The following GLG1 variants were observed in gnomAD, a reference collection of about 807,000 sequenced individuals.
GLG1 encodes Golgi apparatus protein 1.
In GLG1, 38 loss-of-function variants were observed where a neutral mutation model predicts 160.5. That is an observed-to-expected ratio of 0.24 (90% CI 0.18 to 0.31). The LOEUF (loss-of-function observed/expected upper bound fraction) is 0.31. GLG1 is among the 10% of genes least tolerant of loss of function. The pLI, the probability that GLG1 is intolerant of heterozygous loss-of-function variation, is 1.00. For synonymous variants in GLG1, 644 were observed against 543.4 expected, an observed-to-expected ratio of 1.19 and a Z score of -2.57; for missense variants, 1,373 against 1,505.2, an observed-to-expected ratio of 0.91 and a Z score of 1.45.
chr16:74,522,361 GCTAA>G (rs2017192724), intron 2 of GLG1, among the ~76,000 whole-genome samples: 1 of 152,210 alleles, frequency 6.6e-6, no homozygotes. Context: ...CACTAGCTGT[GCTAA>G]CTATCACCGT....
At chr16:74,517,662 C>G (rs1454071192) in intron 2 of GLG1, among the ~76,000 whole-genome samples, 2 of 152,174 alleles carry the variant, frequency 1.3e-5, no homozygotes, top group Non-Finnish European at 2.9e-5. Context: ...CCCTCTCTCA[C>G]CACTCCTATT....
At chr16:74,455,433 A>C (rs1012644670) in intron 25 of GLG1, among the ~76,000 whole-genome samples, 5 of 152,190 alleles carry the variant, frequency 3.3e-5, no homozygotes, top group African/African-American at 9.7e-5. Flanking sequence ...AGCTCAAAGG[A>C]CTGGACACAA....
chr16:74,463,607 C>A, intron 19 of GLG1, 128 bp from the exon 20 acceptor site: 1 of 849,110 alleles, frequency 1.2e-6, no homozygotes, highest in South Asian at 1.6e-5. Context: ...TGGCGCAATT[C>A]GGCTTACTGC....
intron 4 of GLG1, among the ~76,000 whole-genome samples, chr16:74,500,095 G>A (rs947532274): frequency 1.3e-5 from 2 of 152,058 alleles, no homozygotes; most frequent in African/African-American, 4.8e-5. Context: ...TCAAATAAGG[G>A]TATTTCAGGA....
At chr16:74,575,564 C>T (rs997021473) in intron 1 of GLG1, among the ~76,000 whole-genome samples, 5 of 152,034 alleles carry the variant, frequency 3.3e-5, no homozygotes, top group African/African-American at 1.2e-4. Context: ...AACTGTAACA[C>T]CAAAATACAG....
chr16:74,459,704 A>G lies in GLG1; in HGVS notation c.3122T>C (p.Ile1041Thr). The G allele has an allele frequency of 2.5e-6, 4 of 1,582,620 alleles. No homozygotes were observed. The highest frequency in any genetic ancestry group is 3.5e-6 in the Non-Finnish European group (4 of 1,154,102). The change falls in exon 23 of 26, where the codon ATC becomes ACC. Residue 1041 changes from isoleucine to threonine, a missense_variant. Ile to Thr is a moderately conservative substitution (Grantham distance 89). This residue lies in a region of GLG1 where 491 missense variants were observed against 632.1 expected (regional missense o/e 0.78). Transcript: ENST00000422840. ...TACCTTTTTACACAATTCTGTTTTG[A>G]TCTTGAGCAGGTTGACCTTGAGGCA... is the stretch of plus-strand genomic sequence containing the variant. ...EECLKVNLLKIKTELCKKEVL... is the reference protein window; with the variant it reads ...EECLKVNLLKTKTELCKKEVL...
chr16:74,461,443 AG>A (rs1161326302), intron 22 of GLG1: 2 of 133,336 alleles, frequency 1.5e-5, no homozygotes, highest in African/African-American at 5.7e-5. Context: ...ATGGGATTAC[AG>A]GGGTGAACCA....
Position 74,542,735 on chromosome 16 carries a change from G to GA in GLG1, c.439-10583dup, listed in dbSNP as rs2017916705. 5.9e-4 allele frequency among the ~76,000 whole-genome samples: 17 copies of GA among 28,650 alleles called. 1 individual carries two copies. Among genetic ancestry groups the GA allele is most frequent in the Admixed American group, 1.8e-3 (4 of 2,260 alleles). 18.8% of individuals were successfully genotyped at this position (28,650 alleles called of 152,430 possible). Reference sequence around the variant, plus strand: ...GAAGAAGGGAAGGAAGGAAGGAAGGGAGGAAGGAAGGAAGGAAGGAAGGAA... The same window carrying GA: ...GAAGAAGGGAAGGAAGGAAGGAAGGGAAGGAAGGAAGGAAGGAAGGAAGGAA... On this transcript the variant is annotated intron_variant, in intron 1 of 25. Coordinates refer to ENST00000422840, the MANE Select transcript of GLG1 (RefSeq NM_001145667.2).
intron 9 of GLG1, among the ~76,000 whole-genome samples, chr16:74,483,449 T>C (rs1040796461): frequency 1.3e-5 from 2 of 152,140 alleles, no homozygotes; most frequent in African/African-American, 4.8e-5. Context: ...ACTTTATCAA[T>C]CTGTGGCCAA....
chr16:74,507,921 A>G (rs2016671534), intron 3 of GLG1, among the ~76,000 whole-genome samples: 1 of 152,176 alleles, frequency 6.6e-6, no homozygotes, highest in African/African-American at 2.4e-5. Context: ...TGAGATGTAG[A>G]ATATTAAAGC....
intron 22 of GLG1, among the ~76,000 whole-genome samples, chr16:74,460,192 T>A (rs1322435904): frequency 6.6e-6 from 1 of 152,198 alleles, no homozygotes; most frequent in Non-Finnish European, 1.5e-5. Context: ...CAGCTAATTT[T>A]GTACTTTTAG....
chr16:74,472,444 T>C, intron 13 of GLG1, 33 bp from the exon 14 acceptor site: 1 of 1,524,000 alleles, frequency 6.6e-7, no homozygotes, highest in East Asian at 2.3e-5. Context: ...ATACTTCTGC[T>C]TTAGAAAGAG....
intron 12 of GLG1, among the ~76,000 whole-genome samples, chr16:74,475,697 T>C (rs2015370522): frequency 1.3e-5 from 2 of 152,234 alleles, no homozygotes; most frequent in South Asian, 4.1e-4. Flanking sequence ...CAAAGTGCTC[T>C]GTTAAAGGAT....
In GLG1 at chr16:74,578,399, G is replaced by C. The variant is rs556296094; in HGVS notation, c.438+28258C>G. On this transcript the variant is annotated intron_variant, in intron 1 of 25. Transcript: ENST00000422840. ...TCTTACTTTATGAAGTTCAATTTCA[G>C]AGTAAACTCTGTCAAGTGTGTTTTA... Among the ~76,000 whole-genome samples the C allele has an allele frequency of 1.7e-4, 26 of 152,274 alleles. No homozygotes were observed. In the East Asian group the frequency reaches 4.8e-3, roughly 28 times the overall value.
At chr16:74,546,838 A>G (rs998533524) in intron 1 of GLG1, among the ~76,000 whole-genome samples, 2 of 15,530 alleles carry the variant, frequency 1.3e-4, no homozygotes, top group African/African-American at 4.1e-4. Context: ...ACTCCATCTC[A>G]AAAAAAAAAA....
intron 1 of GLG1, among the ~76,000 whole-genome samples, chr16:74,555,852 G>C (rs551620021): frequency 8.8e-6 from 1 of 113,028 alleles, no homozygotes; most frequent in East Asian, 2.5e-4. Context: ...TTTTTCTTTT[G>C]AGACAGGGTC....
At position 74,449,219 on chromosome 16, in the gene GLG1, T is replaced by G. The variant is rs1442951099; in HGVS notation, c.*3948A>C. On this transcript the variant is annotated 3_prime_UTR_variant, in exon 26 of 26. Coordinates refer to ENST00000422840, the MANE Select transcript of GLG1 (RefSeq NM_001145667.2). The stretch of plus-strand genomic sequence containing the variant: ...CCTTCTTCTTAGATTAAGTTCTGAC[T>G]TAGAGTGTGTTCTAAGGAGGCAGGG... 5.3e-5 allele frequency: 8 copies of G among 152,278 alleles called. No individual in the cohort carries two copies. Among genetic ancestry groups the G allele is most frequent in the African/African-American group, 1.9e-4 (8 of 41,454 alleles). The allele number at this position is 152,278 out of a possible 1,614,324, so 9.4% of individuals were successfully genotyped here. A position where few individuals can be genotyped will look rare whatever the true frequency, so the allele number is the denominator to read the frequency against.
intron 1 of GLG1, among the ~76,000 whole-genome samples, chr16:74,568,773 G>A (rs2018733633): frequency 1.3e-5 from 2 of 152,144 alleles, no homozygotes; most frequent in African/African-American, 4.8e-5. Context: ...TAAATCAGGT[G>A]CACATGCAAA....
chr16:74,570,074 C>T (rs2018784796), intron 1 of GLG1, among the ~76,000 whole-genome samples: 1 of 151,082 alleles, frequency 6.6e-6, no homozygotes, highest in Non-Finnish European at 1.5e-5. Context: ...TTTGATGGCT[C>T]ATAATTTTAT....
Sources: allele counts gnomAD v4.1 joint callset (sites outside exome capture counted in the v4.1 genomes callset), GRCh38; gene constraint gnomAD v4.1.1; regional missense constraint gnomAD v4.1.1; transcripts MANE v1.5; gene names NCBI Gene and HGNC (gene_info 2026-07-23, HGNC 2026-07-21).